POLR1D: variants seen among roughly 807,000 people sequenced by gnomAD.
POLR1D encodes DNA-directed RNA polymerases I and III subunit RPAC2.
POLR1D carries 8 observed loss-of-function variants against 10.8 expected under a neutral mutation model. The observed-to-expected ratio is 0.74, with a 90% CI of 0.43 to 1.33. POLR1D has a LOEUF of 1.33. Ranked by LOEUF, POLR1D falls within the 40% of genes most tolerant of loss-of-function variation. The pLI, the probability that POLR1D is intolerant of heterozygous loss-of-function variation, is 0.01. For missense variants in POLR1D, 152 were observed against 161.7 expected (o/e 0.94, Z 0.32); for synonymous variants, 54 against 57.2 (o/e 0.94, Z 0.25).
At chr13:27,659,978 T>C (rs1033959238) in intron 2 of POLR1D, among the ~76,000 whole-genome samples, 1 of 151,828 alleles carries the variant, frequency 6.6e-6, no homozygotes, top group Non-Finnish European at 1.5e-5. Flanking sequence ...ATGTCAATGA[T>C]TTTTTATTAC....
At chr13:27,631,525 C>G (rs934870286) in intron 1 of POLR1D, among the ~76,000 whole-genome samples, 2 of 152,212 alleles carry the variant, frequency 1.3e-5, no homozygotes, top group Non-Finnish European at 1.5e-5. Context: ...CGGCTGCTTA[C>G]CCATCCGCCT....
chr13:27,632,932 C>T (rs2138534529), intron 1 of POLR1D, among the ~76,000 whole-genome samples: 1 of 152,208 alleles, frequency 6.6e-6, no homozygotes, highest in East Asian at 1.9e-4. Context: ...ACATTAAATA[C>T]CCCAAGAGCT....
intron 1 of POLR1D, among the ~76,000 whole-genome samples, chr13:27,642,348 T>C (rs545591980): frequency 4.1e-4 from 62 of 152,320 alleles, no homozygotes; most frequent in South Asian, 1.2e-3. Flanking sequence ...CCCTAATGTT[T>C]GATGACACTA....
At chr13:27,639,629 G>C (rs1956157075) in intron 1 of POLR1D, among the ~76,000 whole-genome samples, 1 of 152,210 alleles carries the variant, frequency 6.6e-6, no homozygotes, top group Admixed American at 6.5e-5. Flanking sequence ...AGACCCTACA[G>C]TGAAGTAGGT....
chr13:27,630,312 A>C (rs544785315), intron 1 of POLR1D, among the ~76,000 whole-genome samples: 1 of 152,294 alleles, frequency 6.6e-6, no homozygotes, highest in East Asian at 1.9e-4. Flanking sequence ...TCCTGACTGG[A>C]GTCAAACCTC....
Position 27,621,908 on chromosome 13 carries a change from G to T in POLR1D, c.-76G>T, listed in dbSNP as rs1317697412. The T allele has an allele frequency of 6.7e-7, 1 of 1,481,670 alleles. No individual in the cohort carries two copies. The highest frequency in any genetic ancestry group is 1.4e-5 in the African/African-American group (1 of 72,196). The allele number at this position is 1,481,670 out of a possible 1,614,324, so 91.8% of individuals were successfully genotyped here. ...TCGGTCGGTCCTTGCTTCCTGCTTC[G>T]CCTCCGCGCCTCGCGCTATGGGACA... On this transcript the variant is annotated 5_prime_UTR_variant, in exon 1 of 2. Coordinates refer to ENST00000302979, the MANE Select transcript of POLR1D (RefSeq NM_015972.4).
At chr13:27,646,019 C>G (rs997616155) in intron 1 of POLR1D, among the ~76,000 whole-genome samples, 3 of 152,168 alleles carry the variant, frequency 2.0e-5, no homozygotes, top group Non-Finnish European at 2.9e-5. Flanking sequence ...CAGCTGGATT[C>G]TGACTCAAAT....
At chr13:27,623,520 G>A (rs1955975402), downstream of POLR1D, 1 of 453,076 alleles carries the variant, frequency 2.2e-6, no homozygotes, top group Non-Finnish European at 3.6e-6. Context: ...AATTAAGCCA[G>A]CATTGAAAAT....
chr13:27,635,034 A>G (rs1338602030), intron 1 of POLR1D, among the ~76,000 whole-genome samples: 2 of 152,078 alleles, frequency 1.3e-5, no homozygotes, highest in African/African-American at 4.8e-5. Flanking sequence ...CATAAAGATA[A>G]CAGCTTTGCC....
downstream of POLR1D, among the ~76,000 whole-genome samples, chr13:27,627,728 T>G (rs896396044): frequency 1.0e-4 from 5 of 49,248 alleles, no homozygotes; most frequent in African/African-American, 2.9e-4. Context: ...AAAGTTTTAG[T>G]TTTTTTTTTT....
At chr13:27,622,303 T>C (rs1955948531) in intron 1 of POLR1D, 1 of 531,838 alleles carries the variant, frequency 1.9e-6, no homozygotes, top group African/African-American at 1.9e-5. Flanking sequence ...CTGAGGACGG[T>C]ACTCGTGCCT....
intron 2 of POLR1D, among the ~76,000 whole-genome samples, chr13:27,664,123 G>A (rs1956392286): frequency 6.6e-6 from 1 of 152,158 alleles, no homozygotes; most frequent in East Asian, 1.9e-4. Flanking sequence ...GACCCTGCAG[G>A]AGAACTCGGC....
At chr13:27,650,143 C>T (rs1566150033) in intron 2 of POLR1D, 3 of 397,962 alleles carry the variant, frequency 7.5e-6, no homozygotes, top group Non-Finnish European at 1.3e-5. Context: ...TGCTACCCTC[C>T]CAGCATCAGT....
intron 2 of POLR1D, chr13:27,664,520 T>C (rs1475894268): frequency 1.3e-5 from 2 of 152,280 alleles, no homozygotes; most frequent in Non-Finnish European, 2.9e-5. Context: ...TCAGATATTT[T>C]CTCTGTCCTT....
Position 27,623,063 on chromosome 13 carries a change from C to G in POLR1D, c.215C>G (p.Thr72Arg). ...GAAGTGGAATTTTGTGGTTACACTA[C>G]GACCCATCCTTCAGAGAGCAAAATT... is the stretch of plus-strand genomic sequence containing the variant. ...NPEVEFCGYTTTHPSESKINL... is the reference protein window; with the variant it reads ...NPEVEFCGYTRTHPSESKINL... The change falls in exon 2 of 2, where the codon ACG becomes AGG. Residue 72 changes from threonine to arginine, a missense_variant. Coordinates refer to ENST00000302979, the MANE Select transcript of POLR1D (RefSeq NM_015972.4). 1 of 1,613,894 alleles carries G rather than the reference C, an allele frequency of 6.2e-7. No individual in the cohort carries two copies. The highest frequency in any genetic ancestry group is 8.5e-7 in the Non-Finnish European group (1 of 1,179,842).
chr13:27,638,877 C>A (rs1409540414), intron 1 of POLR1D, among the ~76,000 whole-genome samples: 2 of 151,996 alleles, frequency 1.3e-5, no homozygotes, highest in South Asian at 4.2e-4. Flanking sequence ...AAAAACAGTA[C>A]ACCTACCAAA....
At position 27,643,497 on chromosome 13, in the gene POLR1D, T is replaced by C. The variant is rs537827681; in HGVS notation, c.27-4882T>C. On this transcript the variant is annotated intron_variant, in intron 1 of 2. Coordinates refer to the POLR1D transcript ENST00000399697. ...TAAGTCATAAAGAACCCAAACTTTGTCCTGTGGTTTCTACAGATCCCTATG... is the reference window on the plus strand; with the variant it reads ...TAAGTCATAAAGAACCCAAACTTTGCCCTGTGGTTTCTACAGATCCCTATG... Among the ~76,000 whole-genome samples, 9 of 152,316 alleles carry C rather than the reference T, an allele frequency of 5.9e-5. No individual in the cohort carries two copies. In the South Asian group the frequency reaches 1.9e-3, roughly 32 times the overall value.
intron 2 of POLR1D, among the ~76,000 whole-genome samples, chr13:27,657,259 G>A (rs1482613153): frequency 6.6e-6 from 1 of 152,142 alleles, no homozygotes; most frequent in Non-Finnish European, 1.5e-5. Context: ...GCCAGGCGCT[G>A]TGGCTCACAC....
At chr13:27,632,517 C>T (rs918831213) in intron 1 of POLR1D, among the ~76,000 whole-genome samples, 4 of 152,006 alleles carry the variant, frequency 2.6e-5, no homozygotes, top group Non-Finnish European at 5.9e-5. Context: ...AAAGCAAAGA[C>T]GAATCTCATT....
Sources: allele counts gnomAD v4.1 joint callset (sites outside exome capture counted in the v4.1 genomes callset), GRCh38; gene constraint gnomAD v4.1.1; transcripts MANE v1.5; gene names NCBI Gene and HGNC (gene_info 2026-07-23, HGNC 2026-07-21).